COPS4: variants seen among roughly 807,000 people sequenced by gnomAD.
COPS4 encodes the protein COP9 signalosome subunit 4, also known as COP9 signalosome complex subunit 4.
In COPS4, 8 loss-of-function variants were observed where a neutral mutation model predicts 55.1. The ratio of observed to expected loss-of-function variants is 0.15; its 90% CI spans 0.09 to 0.26. The LOEUF (loss-of-function observed/expected upper bound fraction) is 0.26. Among genes scored for constraint, COPS4 ranks in the 10% least tolerant of loss-of-function variants. The pLI is 1.00. For missense variants in COPS4, 248 were observed against 484.0 expected (o/e 0.51, Z 4.58); for synonymous variants, 185 against 165.7 (o/e 1.12, Z -0.90).
At chr4:83,046,114 G>GTAGTACAGTACTGTACTACAGA (rs1730705731) in intron 2 of COPS4, among the ~76,000 whole-genome samples, 1 of 152,020 alleles carries the variant, frequency 6.6e-6, no homozygotes. Flanking sequence ...TGTACTACAG[G>GTAGTACAGTACTGTACTACAGA]GTAGTACAGT....
intron 6 of COPS4, 105 bp from the exon 7 acceptor site, chr4:83,062,971 G>C (rs1731199486): frequency 1.1e-6 from 1 of 912,256 alleles, no homozygotes; most frequent in Non-Finnish European, 1.6e-6. Flanking sequence ...AATACTGGCT[G>C]TATATTTAGT....
intron 1 of COPS4, among the ~76,000 whole-genome samples, chr4:83,045,151 C>T (rs1007054986): frequency 7.2e-5 from 11 of 152,264 alleles, no homozygotes; most frequent in Middle Eastern, 3.4e-3. Flanking sequence ...TTGCTGGTGA[C>T]CCTACATACA....
chr4:83,054,342 AAAAACAAAAC>A (rs553121493), intron 4 of COPS4, among the ~76,000 whole-genome samples: 12 of 152,140 alleles, frequency 7.9e-5, no homozygotes, highest in East Asian at 7.7e-4. Flanking sequence ...ACTCCATCTC[AAAAACAAAAC>A]AAAACAAAAC....
chr4:83,042,434 A>G (rs1227729505), intron 1 of COPS4, among the ~76,000 whole-genome samples: 2 of 152,068 alleles, frequency 1.3e-5, no homozygotes, highest in Non-Finnish European at 2.9e-5. Flanking sequence ...CTCTGTTGTT[A>G]GATACTAGAA....
intron 7 of COPS4, 104 bp downstream of exon 7, chr4:83,063,350 A>G: frequency 1.4e-6 from 1 of 727,914 alleles, no homozygotes; most frequent in Non-Finnish European, 2.0e-6. Flanking sequence ...TCTACATAAC[A>G]CTTCCTCATA....
Position 83,075,546 on chromosome 4 carries a change from A to G in COPS4, c.*116A>G. ...TACATTTCAATCCCTTTTATGCTGG[A>G]TTCCGTTTAAAGAAGACATTATTAG... On this transcript the variant is annotated 3_prime_UTR_variant, in exon 10 of 10. Transcript: ENST00000264389. The G allele has an allele frequency of 8.5e-7, 1 of 1,177,838 alleles. No individual in the cohort carries two copies. The highest frequency in any genetic ancestry group is 1.2e-6 in the Non-Finnish European group (1 of 847,454). 73.0% of individuals were successfully genotyped at this position (1,177,838 alleles called of 1,614,324 possible). A position where few individuals can be genotyped will look rare whatever the true frequency, so the allele number is the denominator to read the frequency against.
rs961336082 is a variant in COPS4 at position 83,043,482 on chromosome 4, G to A, written c.75-2144G>A. Among the ~76,000 whole-genome samples, 3 of 123,696 alleles carry A rather than the reference G, an allele frequency of 2.4e-5. No individual in the cohort carries two copies. In the Admixed American group the frequency reaches 3.2e-4, roughly 13 times the overall value. 81.1% of individuals were successfully genotyped at this position (123,696 alleles called of 152,430 possible). A position where few individuals can be genotyped will look rare whatever the true frequency, so the allele number is the denominator to read the frequency against. On this transcript the variant is annotated intron_variant, in intron 1 of 9. Coordinates refer to ENST00000264389, the MANE Select transcript of COPS4 (RefSeq NM_016129.3). ...TACAGTGAGCTATGATCATGTCACT[G>A]CACTCTAGCCTGGGCGACAGAGTGA...
In COPS4 at chr4:83,075,577, G is replaced by A; in HGVS notation, c.*147G>A. On this transcript the variant is annotated 3_prime_UTR_variant, in exon 10 of 10. Transcript: ENST00000264389. ...TTTAAAGAAGACATTATTAGAGCAG[G>A]AAGTACAAGCATTTAAAATATGTAG... is the stretch of plus-strand genomic sequence containing the variant. The A allele has an allele frequency of 1.2e-6, 1 of 805,294 alleles. No homozygotes were observed. The highest frequency in any genetic ancestry group is 2.8e-5 in the East Asian group (1 of 36,134). 49.9% of individuals were successfully genotyped at this position (805,294 alleles called of 1,614,324 possible).
intron 2 of COPS4, among the ~76,000 whole-genome samples, chr4:83,047,000 G>A (rs1175699647): frequency 2.0e-5 from 3 of 152,004 alleles, no homozygotes; most frequent in African/African-American, 7.3e-5. Flanking sequence ...TAATGAAACT[G>A]TTTTCTCAGT....
intron 9 of COPS4, among the ~76,000 whole-genome samples, chr4:83,071,822 C>T (rs1000104430): frequency 7.2e-5 from 11 of 152,234 alleles, no homozygotes; most frequent in African/African-American, 2.4e-4. Context: ...AGGGATTCCC[C>T]TGCCTCAGCC....
chr4:83,065,015 A>G (rs1731261095), intron 7 of COPS4: 1 of 672,306 alleles, frequency 1.5e-6, no homozygotes, highest in Non-Finnish European at 2.7e-6. Context: ...CCAGAAGCTT[A>G]GGCATGTGCC....
At chr4:83,056,899 A>G in intron 4 of COPS4, 27 bp from the exon 5 acceptor site, 2 of 1,541,104 alleles carry the variant, frequency 1.3e-6, no homozygotes, top group Non-Finnish European at 1.8e-6. Flanking sequence ...ATGTTGAGTC[A>G]TTATGTGTTT....
At chr4:83,042,761 C>G (rs1267469819) in intron 1 of COPS4, among the ~76,000 whole-genome samples, 1 of 151,998 alleles carries the variant, frequency 6.6e-6, no homozygotes, top group Non-Finnish European at 1.5e-5. Flanking sequence ...TGCCACAATG[C>G]CTGGCTAATT....
intron 9 of COPS4, among the ~76,000 whole-genome samples, chr4:83,070,735 C>T (rs564310648): frequency 6.6e-6 from 1 of 151,788 alleles, no homozygotes; most frequent in African/African-American, 2.4e-5. Context: ...TAGTTCAGTT[C>T]CCTAGTACAG....
At chr4:83,058,679 C>A (rs755651812) in intron 6 of COPS4, among the ~76,000 whole-genome samples, 5 of 152,166 alleles carry the variant, frequency 3.3e-5, no homozygotes, top group Non-Finnish European at 7.4e-5. Context: ...TTGCAACTTA[C>A]CTTTTTATTG....
chr4:83,059,360 A>G (rs956802096), intron 6 of COPS4, among the ~76,000 whole-genome samples: 1 of 151,578 alleles, frequency 6.6e-6, no homozygotes, highest in African/African-American at 2.4e-5. Context: ...AAATCCCCCC[A>G]TGTTTTCTTT....
At chr4:83,037,712 G>A (rs1009933477) in intron 1 of COPS4, among the ~76,000 whole-genome samples, 4 of 151,952 alleles carry the variant, frequency 2.6e-5, no homozygotes, top group Admixed American at 6.6e-5. Flanking sequence ...TTTTTTAGGA[G>A]CTGAGTAACA....
intron 4 of COPS4, among the ~76,000 whole-genome samples, chr4:83,051,201 C>A (rs1730881318): frequency 6.6e-6 from 1 of 151,748 alleles, no homozygotes; most frequent in African/African-American, 2.4e-5. Flanking sequence ...GAGTTTGAGA[C>A]CAACTTGGAC....
rs1391174771 is a variant in COPS4, at chr4:83,075,727, G to A, written c.*297G>A. 1 of 245,358 alleles carries A rather than the reference G, an allele frequency of 4.1e-6. No individual in the cohort carries two copies. Among genetic ancestry groups the A allele is most frequent in the Non-Finnish European group, 7.8e-6 (1 of 128,520 alleles). 15.2% of individuals were successfully genotyped at this position (245,358 alleles called of 1,614,324 possible). On this transcript the variant is annotated 3_prime_UTR_variant, in exon 10 of 10. Transcript: ENST00000264389. ...AGATTTGTGATAACTTTGTAGTCAT[G>A]TAAAACTTAAGTGCTTCATGCCTCT...
Sources: gnomAD v4.1 joint callset for allele counts (sites outside exome capture counted in the v4.1 genomes callset) on GRCh38, gnomAD v4.1.1 for gene constraint, MANE v1.5 for transcripts, NCBI Gene and HGNC (gene_info 2026-07-23, HGNC 2026-07-21) for gene names.